The following TMEM242 variants were observed in gnomAD, a reference collection of about 807,000 sequenced individuals.
TMEM242 encodes UPF0463 transmembrane protein C6orf35.
A neutral mutation model predicts 18.2 loss-of-function variants in TMEM242; 10 were observed. That is an observed-to-expected ratio of 0.55 (90% CI 0.34 to 0.93). TMEM242 has a LOEUF of 0.93. Among genes scored for constraint, TMEM242 ranks in the 40% least tolerant of loss-of-function variants. The pLI, the probability that TMEM242 is intolerant of heterozygous loss-of-function variation, is 0.02. For missense variants in TMEM242, 186 were observed against 175.5 expected (o/e 1.06, Z -0.34); for synonymous variants, 57 against 69.9 (o/e 0.81, Z 0.92).
At chr6:157,308,013 T>A (rs981564001) in intron 3 of TMEM242, among the ~76,000 whole-genome samples, 8 of 152,164 alleles carry the variant, frequency 5.3e-5, no homozygotes, top group Admixed American at 2.0e-4. Flanking sequence ...CCCCTGCAGA[T>A]CCCTCAGAAG....
chr6:157,313,132 T>A (rs1554249632), intron 3 of TMEM242, among the ~76,000 whole-genome samples: 1 of 123,996 alleles, frequency 8.1e-6, no homozygotes, highest in Non-Finnish European at 1.7e-5. Context: ...GGCCTCATCA[T>A]AGTGTCCCAG....
intron 3 of TMEM242, chr6:157,299,252 T>A: frequency 9.4e-6 from 7 of 741,224 alleles, no homozygotes; most frequent in Non-Finnish European, 2.5e-6. Context: ...CAGCTACAGA[T>A]AGGCCAATGG....
At chr6:157,317,139 A>T (rs1778406027) in intron 3 of TMEM242, among the ~76,000 whole-genome samples, 2 of 151,994 alleles carry the variant, frequency 1.3e-5, no homozygotes, top group African/African-American at 4.8e-5. Context: ...ACAAGTAAAA[A>T]CTTATCTCTT....
intron 3 of TMEM242, among the ~76,000 whole-genome samples, chr6:157,314,376 G>GGC (rs1554250140): frequency 9.7e-4 from 1 of 1,030 alleles, no homozygotes; most frequent in African/African-American, 3.8e-3. Flanking sequence ...GCATTCCCAT[G>GGC]ATCATGTACA....
chr6:157,301,539 T>C (rs1777830049), intron 3 of TMEM242, among the ~76,000 whole-genome samples: 1 of 152,166 alleles, frequency 6.6e-6, no homozygotes, highest in South Asian at 2.1e-4. Flanking sequence ...CTCTAACTCC[T>C]GATCTCAGGT....
intron 3 of TMEM242, chr6:157,299,988 G>GCT: frequency 2.1e-6 from 3 of 1,405,782 alleles, no homozygotes; most frequent in Non-Finnish European, 3.0e-6. Flanking sequence ...CGCTCAACAA[G>GCT]CTCACTCTTC....
Position 157,292,763 on chromosome 6 carries a change from A to G in TMEM242, c.*138T>C, listed in dbSNP as rs1554246909. 1.5e-6 allele frequency: 1 copy of G among 667,186 alleles called. No homozygotes were observed. Among genetic ancestry groups the G allele is most frequent in the East Asian group, 2.5e-5 (1 of 39,414 alleles). The allele number at this position is 667,186 out of a possible 1,614,324, so 41.3% of individuals were successfully genotyped here. A position where few individuals can be genotyped will look rare whatever the true frequency, so the allele number is the denominator to read the frequency against. ...ACATACTCTCCTGTGATGAGGCTGA[A>G]TGCTATCCAGTGCACTGGTTCAGTC... On this transcript the variant is annotated 3_prime_UTR_variant, in exon 4 of 4. Coordinates refer to ENST00000400788, the MANE Select transcript of TMEM242 (RefSeq NM_018452.6).
At chr6:157,321,726 CCA>C (rs1262580816) in intron 2 of TMEM242, among the ~76,000 whole-genome samples, 18 of 152,230 alleles carry the variant, frequency 1.2e-4, no homozygotes, top group African/African-American at 4.3e-4. Flanking sequence ...CTCTTCAGCC[CCA>C]GAGAATCCCT....
At chr6:157,312,240 A>G (rs1396361988) in intron 3 of TMEM242, among the ~76,000 whole-genome samples, 4 of 149,410 alleles carry the variant, frequency 2.7e-5, no homozygotes, top group African/African-American at 1.0e-4. Context: ...GTGTACACTC[A>G]TCTAGCCTTA....
At chr6:157,294,024 G>T (rs140124768) in intron 3 of TMEM242, among the ~76,000 whole-genome samples, 1 of 151,940 alleles carries the variant, frequency 6.6e-6, no homozygotes, top group Non-Finnish European at 1.5e-5. Context: ...CCCAGCCTAA[G>T]AGATCTTAAC....
At chr6:157,304,335 G>A (rs975231372) in intron 3 of TMEM242, among the ~76,000 whole-genome samples, 1 of 151,746 alleles carries the variant, frequency 6.6e-6, no homozygotes, top group Non-Finnish European at 1.5e-5. Flanking sequence ...GCATGGTGGT[G>A]CATGCCTGTA....
intron 3 of TMEM242, chr6:157,318,518 C>G: frequency 4.4e-6 from 2 of 458,768 alleles, no homozygotes; most frequent in Admixed American, 4.2e-5. Context: ...CCACTGCACT[C>G]GCCCTAATGT....
chr6:157,308,475 T>C (rs1187880580), intron 3 of TMEM242, among the ~76,000 whole-genome samples: 1 of 152,226 alleles, frequency 6.6e-6, no homozygotes, highest in Non-Finnish European at 1.5e-5. Flanking sequence ...AGAGGAAAGA[T>C]ACAATATTAC....
intron 3 of TMEM242, among the ~76,000 whole-genome samples, chr6:157,308,319 T>C (rs972882222): frequency 6.6e-6 from 1 of 152,198 alleles, no homozygotes; most frequent in East Asian, 1.9e-4. Flanking sequence ...AGAAATTTGA[T>C]TGTAATTATT....
At chr6:157,294,779 C>G (rs1457321139) in intron 3 of TMEM242, among the ~76,000 whole-genome samples, 1 of 152,162 alleles carries the variant, frequency 6.6e-6, no homozygotes, top group Non-Finnish European at 1.5e-5. Flanking sequence ...ACTTGTAAAT[C>G]CTAGGCATTT....
intron 3 of TMEM242, among the ~76,000 whole-genome samples, chr6:157,306,123 G>A (rs587639382): frequency 1.3e-5 from 2 of 152,336 alleles, no homozygotes; most frequent in Admixed American, 6.5e-5. Flanking sequence ...TGTAGATGAC[G>A]AGGGGCAGGA....
chr6:157,308,287 C>T (rs1485265478), intron 3 of TMEM242, among the ~76,000 whole-genome samples: 1 of 152,184 alleles, frequency 6.6e-6, no homozygotes, highest in Non-Finnish European at 1.5e-5. Flanking sequence ...ACCAGTGAAA[C>T]TTAAATTAGC....
intron 3 of TMEM242, among the ~76,000 whole-genome samples, chr6:157,312,572 TC>T (rs1554249314): frequency 1.7e-4 from 20 of 119,408 alleles, no homozygotes; most frequent in Admixed American, 3.4e-4. Context: ...CAGTGTACGC[TC>T]ACCCGGCCTC....
chr6:157,312,508 C>CTA (rs1778193125), intron 3 of TMEM242, among the ~76,000 whole-genome samples: 1 of 134,874 alleles, frequency 7.4e-6, no homozygotes, highest in African/African-American at 2.8e-5. Flanking sequence ...GTGCACTCAC[C>CTA]GAGCCTCATC....
Sources: gnomAD v4.1 joint callset for allele counts (sites outside exome capture counted in the v4.1 genomes callset) on GRCh38, gnomAD v4.1.1 for gene constraint, MANE v1.5 for transcripts, NCBI Gene and HGNC (gene_info 2026-07-23, HGNC 2026-07-21) for gene names.